The following WWOX variants were observed in gnomAD, a reference collection of about 807,000 sequenced individuals.
WWOX encodes WW domain-containing oxidoreductase.
In WWOX, 69 loss-of-function variants were observed where a neutral mutation model predicts 46.2. The observed-to-expected ratio is 1.49, with a 90% CI of 1.23 to 1.82. WWOX has a LOEUF of 1.82. Ranked by LOEUF, WWOX falls within the 40% of genes most tolerant of loss-of-function variation. WWOX has a pLI of 0.00. For synonymous variants in WWOX, 359 were observed against 202.6 expected, an observed-to-expected ratio of 1.77 and a Z score of -6.56; for missense variants, 919 against 542.6, an observed-to-expected ratio of 1.69 and a Z score of -6.89.
Position 78,261,750 on chromosome 16 carries a change from GTC to G in WWOX, c.516+97463_516+97464del, listed in dbSNP as rs201812844. On this transcript the variant is annotated intron_variant, in intron 5 of 8. Coordinates refer to ENST00000566780, the MANE Select transcript of WWOX (RefSeq NM_016373.4). ...GCCCATTTGCCATGTGTGTGTGTGT[GTC>G]TGTCTATCTATCTATCTATGTATCT... Among the ~76,000 whole-genome samples, 9 of 132,094 alleles carry G rather than the reference GTC, an allele frequency of 6.8e-5. No homozygotes were observed. In the East Asian group the frequency reaches 2.0e-3, roughly 29 times the overall value. 86.7% of individuals were successfully genotyped at this position (132,094 alleles called of 152,430 possible).
At chr16:78,732,270 G>A (rs747989403) in intron 8 of WWOX, among the ~76,000 whole-genome samples, 2 of 152,120 alleles carry the variant, frequency 1.3e-5, no homozygotes, top group Non-Finnish European at 2.9e-5. Context: ...TCCTGCTTCC[G>A]TCTGGTTGTG....
intron 8 of WWOX, among the ~76,000 whole-genome samples, chr16:78,686,328 G>A (rs1229499433): frequency 2.0e-5 from 3 of 151,958 alleles, no homozygotes; most frequent in Admixed American, 1.3e-4. Flanking sequence ...TGGCTAAGTC[G>A]GTGAAACCCC....
intron 8 of WWOX, among the ~76,000 whole-genome samples, chr16:78,714,845 A>G (rs2048525780): frequency 6.6e-6 from 1 of 152,212 alleles, no homozygotes; most frequent in Admixed American, 6.5e-5. Context: ...GTGAGGAACC[A>G]GTGAGTGGTT....
At chr16:78,682,950 C>A (rs543948573) in intron 8 of WWOX, among the ~76,000 whole-genome samples, 2 of 152,022 alleles carry the variant, frequency 1.3e-5, no homozygotes, top group Non-Finnish European at 1.5e-5. Flanking sequence ...GTGATTTCCC[C>A]GCGTAAATGA....
chr16:79,009,249 G>A (rs939557811), intron 8 of WWOX, among the ~76,000 whole-genome samples: 14 of 152,164 alleles, frequency 9.2e-5, no homozygotes, highest in African/African-American at 3.1e-4. Flanking sequence ...AACGGTTTGG[G>A]CACTATAGCC....
chr16:78,968,606 C>A (rs1480301921), intron 8 of WWOX, among the ~76,000 whole-genome samples: 1 of 152,122 alleles, frequency 6.6e-6, no homozygotes, highest in South Asian at 2.1e-4. Flanking sequence ...TCCCAAGGAC[C>A]CTGTTGAGAG....
intron 8 of WWOX, among the ~76,000 whole-genome samples, chr16:78,950,324 G>A (rs34312843): frequency 0.12 from 18,599 of 152,094 alleles, 1,190 homozygotes; most frequent in Middle Eastern, 0.22. Flanking sequence ...TCCTTGAGGA[G>A]AAAGGAAAGG....
rs989832139 is a variant in WWOX at position 78,532,036 on chromosome 16, C to T, written c.1056+99284C>T. On this transcript the variant is annotated intron_variant, in intron 8 of 8. Transcript: ENST00000566780. ...TTAGTTAGAGACAGGATCTGTAGGT[C>T]AGAAGTGGTATTTGGGGGAGTAGGG... 3.3e-5 allele frequency among the ~76,000 whole-genome samples: 5 copies of T among 150,072 alleles called. No homozygotes were observed. In the East Asian group the frequency reaches 9.7e-4, roughly 29 times the overall value.
chr16:78,870,889 A>C (rs2044113334), intron 8 of WWOX, among the ~76,000 whole-genome samples: 1 of 152,186 alleles, frequency 6.6e-6, no homozygotes, highest in Non-Finnish European at 1.5e-5. Context: ...GGCATGAGCC[A>C]CCATGCCCGG....
intron 5 of WWOX, among the ~76,000 whole-genome samples, chr16:78,219,713 A>G (rs1353564605): frequency 6.6e-6 from 1 of 152,154 alleles, no homozygotes; most frequent in African/African-American, 2.4e-5. Context: ...TGTTACCACG[A>G]CGAATACTGA....
At chr16:78,901,123 C>T (rs1315507175) in intron 8 of WWOX, among the ~76,000 whole-genome samples, 2 of 152,298 alleles carry the variant, frequency 1.3e-5, no homozygotes, top group Non-Finnish European at 2.9e-5. Flanking sequence ...CTCCTTCAAG[C>T]TGGGATTCAG....
At chr16:79,006,295 C>T (rs915334263) in intron 8 of WWOX, among the ~76,000 whole-genome samples, 4 of 152,084 alleles carry the variant, frequency 2.6e-5, no homozygotes, top group African/African-American at 9.7e-5. Flanking sequence ...ATGTGAAGCG[C>T]GGGAAGTCCA....
At chr16:78,700,207 A>T in intron 8 of WWOX, among the ~76,000 whole-genome samples, 1 of 148,126 alleles carries the variant, frequency 6.8e-6, no homozygotes, top group Non-Finnish European at 1.5e-5. Context: ...CCAGTTCTGG[A>T]GGCTGGAAGT....
chr16:78,355,257 T>C (rs1410141822), intron 5 of WWOX, among the ~76,000 whole-genome samples: 1 of 75,586 alleles, frequency 1.3e-5, no homozygotes, highest in African/African-American at 5.3e-5. Context: ...TGTGTCTGTA[T>C]ATAAAAAAAA....
intron 1 of WWOX, among the ~76,000 whole-genome samples, chr16:78,104,679 G>A (rs746740734): frequency 4.7e-4 from 71 of 152,236 alleles, no homozygotes; most frequent in Non-Finnish European, 8.5e-4. Context: ...AAGGAGAATA[G>A]GAGAATGCTT....
At chr16:78,532,014 G>T (rs567260831) in intron 8 of WWOX, among the ~76,000 whole-genome samples, 3 of 151,524 alleles carry the variant, frequency 2.0e-5, no homozygotes, top group African/African-American at 4.8e-5. Flanking sequence ...CGGGAGATTA[G>T]TTAGAGACAG....
In WWOX at chr16:79,167,748, A is replaced by G. The variant is rs373461602; in HGVS notation, c.1057-43860A>G. On this transcript the variant is annotated intron_variant, in intron 8 of 8. Coordinates refer to ENST00000566780, the MANE Select transcript of WWOX (RefSeq NM_016373.4). ...CCCTGCAAACATTGTTTTAGTTGAG[A>G]TGAAATTCACGTAATATACAGTTAA... is the stretch of plus-strand genomic sequence containing the variant. 5.3e-5 allele frequency among the ~76,000 whole-genome samples: 8 copies of G among 152,344 alleles called. No individual in the cohort carries two copies. In the East Asian group the frequency reaches 1.3e-3, roughly 26 times the overall value.
At chr16:79,189,937 G>T (rs7186097) in intron 8 of WWOX, among the ~76,000 whole-genome samples, 2,575 of 149,556 alleles carry the variant, frequency 0.017, 103 homozygotes, top group African/African-American at 0.06. Context: ...GTGGGGAAGG[G>T]GGGGGGGATA....
chr16:78,475,225 C>T (rs2084324693), intron 8 of WWOX, among the ~76,000 whole-genome samples: 2 of 152,220 alleles, frequency 1.3e-5, no homozygotes, highest in Non-Finnish European at 2.9e-5. Context: ...TCATTGATTT[C>T]TCTGATGCTG....
Sources: gnomAD v4.1 joint callset for allele counts (sites outside exome capture counted in the v4.1 genomes callset) on GRCh38, gnomAD v4.1.1 for gene constraint, MANE v1.5 for transcripts, NCBI Gene and HGNC (gene_info 2026-07-23, HGNC 2026-07-21) for gene names.